The following FAM83G variants were observed in gnomAD, a reference collection of about 807,000 sequenced individuals.
FAM83G encodes the protein protein FAM83G.
A neutral mutation model predicts 61.5 loss-of-function variants in FAM83G; 38 were observed. That is an observed-to-expected ratio of 0.62 (90% CI 0.48 to 0.81). FAM83G has a LOEUF of 0.81. Among genes scored for constraint, FAM83G ranks in the 30% least tolerant of loss-of-function variants. The pLI is 0.00. For synonymous variants in FAM83G, 470 were observed against 476.1 expected (o/e 0.99, Z 0.17); for missense variants, 989 against 1,133.6 (o/e 0.87, Z 1.83).
At position 18,971,246 on chromosome 17, in the gene FAM83G, C is replaced by T. The variant is rs1383386169; in HGVS notation, c.*113G>A. On this transcript the variant is annotated 3_prime_UTR_variant, in exon 6 of 6. Transcript: ENST00000388995. The surrounding 1 kb of genome is among the most constrained non-coding windows in gnomAD (Gnocchi z 5.5). ...GAGTGCCAACGTCTCCCGCCCATCCCACCTTCCTGCCGTCCCAGTGGGCTC... is the reference window on the plus strand; with the variant it reads ...GAGTGCCAACGTCTCCCGCCCATCCTACCTTCCTGCCGTCCCAGTGGGCTC... 6.2e-7 allele frequency: 1 copy of T among 1,612,570 alleles called. No homozygotes were observed. Among genetic ancestry groups the T allele is most frequent in the African/African-American group, 1.3e-5 (1 of 74,936 alleles).
intron 2 of FAM83G, among the ~76,000 whole-genome samples, chr17:18,997,694 T>C (rs969972136): frequency 1.4e-4 from 21 of 152,298 alleles, no homozygotes; most frequent in African/African-American, 4.6e-4. Flanking sequence ...ACATGCTCTC[T>C]GCTGCGTTCC....
intron 3 of FAM83G, among the ~76,000 whole-genome samples, chr17:18,984,629 A>G (rs1477498749): frequency 6.6e-6 from 1 of 152,210 alleles, no homozygotes; most frequent in Non-Finnish European, 1.5e-5. Flanking sequence ...TGGCTGCACG[A>G]AGTCAACTGG....
chr17:18,971,573 C>CGG lies in FAM83G; in HGVS notation c.2256_2257dup (p.Arg753ProfsTer19). 6.2e-7 allele frequency: 1 copy of CGG among 1,613,598 alleles called. No individual in the cohort carries two copies. Among genetic ancestry groups the CGG allele is most frequent in the Admixed American group, 1.7e-5 (1 of 60,024 alleles). ...TGGGCTGCCGGGATCCGGAAGCAGGCGGGGTACCTGACCTCCCTTGGCCTG... is the reference window on the plus strand; with the variant it reads ...TGGGCTGCCGGGATCCGGAAGCAGGCGGGGGGTACCTGACCTCCCTTGGCCTG... On this transcript the variant is annotated frameshift_variant, in exon 6 of 6. Coordinates refer to ENST00000388995, the MANE Select transcript of FAM83G (RefSeq NM_001039999.3). LOFTEE classifies it high-confidence loss of function. The surrounding 1 kb of genome is among the most constrained non-coding windows in gnomAD (Gnocchi z 5.5).
Position 18,979,570 on chromosome 17 carries a change from C to A in FAM83G, c.794G>T (p.Arg265Leu). ...TCACCTGTAGGAGCCGCACACAGCC[C>A]GGTCTCCATCCACAAACATGAACTT... ...AQKFMFVDGDRAVCGSYSFTW... is the reference protein window; with the variant it reads ...AQKFMFVDGDLAVCGSYSFTW... The change falls in exon 4 of 6, where the codon CGG (arginine) becomes CTG (leucine). Residue 265 changes from arginine (R) to leucine (L), a missense_variant. This residue lies in a region of FAM83G where 371 missense variants were observed against 404.5 expected (regional missense o/e 0.92). Coordinates refer to ENST00000388995, the MANE Select transcript of FAM83G (RefSeq NM_001039999.3). 3 of 1,613,446 alleles carry A rather than the reference C, an allele frequency of 1.9e-6. No homozygotes were observed. The East Asian group carries it at 6.7e-5, about 36-fold the overall frequency.
intron 5 of FAM83G, among the ~76,000 whole-genome samples, chr17:18,974,082 G>A (rs868288234): frequency 7.2e-5 from 11 of 152,086 alleles, no homozygotes; most frequent in African/African-American, 2.7e-4. Context: ...TAATAGAGAC[G>A]GGGTTTCACC....
In FAM83G at chr17:18,971,371, G is replaced by A. The variant is rs1343098677; in HGVS notation, c.2460C>T (p.Arg820=). Residue 820 remains arginine (R), a synonymous_variant, in exon 6 of 6, where the codon CGC becomes CGT. Transcript: ENST00000388995. This position sits in a 1 kb window ranked among gnomAD's most constrained non-coding sequence, Gnocchi z 5.5. ...SKRRAQAPRD[R]KDP ...CTGGGACATGCTGCTAGGGGTCTTTGCGGTCCCGGGGGGCTTGAGCCCTCC... is the reference window on the plus strand; with the variant it reads ...CTGGGACATGCTGCTAGGGGTCTTTACGGTCCCGGGGGGCTTGAGCCCTCC... 1 of 1,554,530 alleles carries A rather than the reference G, an allele frequency of 6.4e-7. No homozygotes were observed. The highest frequency in any genetic ancestry group is 8.6e-7 in the Non-Finnish European group (1 of 1,156,950).
chr17:18,975,435 A>G (rs2042952412), intron 5 of FAM83G, among the ~76,000 whole-genome samples: 1 of 152,208 alleles, frequency 6.6e-6, no homozygotes, highest in African/African-American at 2.4e-5. Context: ...CACACCTGTA[A>G]TCCCAGCACT....
chr17:18,981,703 A>G (rs894968205), intron 3 of FAM83G, among the ~76,000 whole-genome samples: 3 of 152,148 alleles, frequency 2.0e-5, no homozygotes, highest in South Asian at 2.1e-4. Flanking sequence ...GGGATAAACC[A>G]TAGCCTTTTC....
At chr17:18,984,558 T>G (rs958706768) in intron 3 of FAM83G, among the ~76,000 whole-genome samples, 2 of 152,238 alleles carry the variant, frequency 1.3e-5, no homozygotes, top group African/African-American at 4.8e-5. Context: ...GATGCTTCTT[T>G]GTTCATCAGA....
intron 2 of FAM83G, among the ~76,000 whole-genome samples, chr17:18,997,188 C>T (rs986926673): frequency 1.3e-5 from 2 of 152,272 alleles, no homozygotes; most frequent in Non-Finnish European, 2.9e-5. Flanking sequence ...CCAGAGCGCT[C>T]TGACCAGGAG....
intron 5 of FAM83G, 64 bp downstream of exon 5, chr17:18,977,520 C>T (rs1309155744): frequency 1.9e-5 from 28 of 1,490,356 alleles, no homozygotes; most frequent in African/African-American, 1.8e-4. Flanking sequence ...GACAACAGCT[C>T]GAGCTCTTGG....
At chr17:18,972,372 C>A (rs992592794) in intron 5 of FAM83G, among the ~76,000 whole-genome samples, 1 of 152,198 alleles carries the variant, frequency 6.6e-6, no homozygotes, top group African/African-American at 2.4e-5. Context: ...CTCACACAAG[C>A]CTTTCCCACG....
chr17:18,979,122 G>C (rs759417677), intron 4 of FAM83G: 15 of 551,224 alleles, frequency 2.7e-5, no homozygotes, highest in Non-Finnish European at 4.2e-5. Context: ...GCTCAGGAAG[G>C]CCCTGGACAC....
At chr17:18,972,645 G>A (rs1201675200) in intron 5 of FAM83G, among the ~76,000 whole-genome samples, 2 of 152,128 alleles carry the variant, frequency 1.3e-5, no homozygotes, top group Admixed American at 6.5e-5. Context: ...GGCGGATCAC[G>A]AGGTCAGGAG....
chr17:18,992,098 C>T (rs112101193), intron 2 of FAM83G, among the ~76,000 whole-genome samples: 457 of 152,282 alleles, frequency 3.0e-3, no homozygotes, highest in Non-Finnish European at 4.3e-3. Flanking sequence ...GGTGCCCAAA[C>T]ACCTCCGGCA....
chr17:18,971,839 G>A lies in FAM83G; in HGVS notation c.2083-91C>T, dbSNP rs1567785949. On this transcript the variant is annotated intron_variant, in intron 5 of 5. Transcript: ENST00000388995. The surrounding 1 kb of genome is among the most constrained non-coding windows in gnomAD (Gnocchi z 5.5). The stretch of plus-strand genomic sequence containing the variant: ...CTGCTCAGGCACACAGGAGCCGGCA[G>A]GCCCGGGTTCGCCTCCTGGCTCTGC... The A allele has an allele frequency of 1.4e-6, 2 of 1,438,168 alleles. No individual in the cohort carries two copies. Among genetic ancestry groups the A allele is most frequent in the Non-Finnish European group, 9.3e-7 (1 of 1,079,308 alleles). 89.1% of individuals were successfully genotyped at this position (1,438,168 alleles called of 1,614,324 possible).
rs771103367 is a variant in FAM83G at position 18,977,772 on chromosome 17, G to T, written c.1894C>A (p.Arg632Ser). ...CCGTTGGCCACTTGCTCTGAGTGGCGCCTCCGGAGAGGGACTGAGTGCTCT... is the reference window on the plus strand; with the variant it reads ...CCGTTGGCCACTTGCTCTGAGTGGCTCCTCCGGAGAGGGACTGAGTGCTCT... ...VREHSVPLRR[R>S]HSEQVANGPT... Residue 632 changes from arginine (R) to serine (S), a missense_variant, in exon 5 of 6, where the codon CGC becomes AGC. Physicochemically the swap from Arg to Ser is moderately radical, Grantham distance 110. This residue lies in a region of FAM83G where 574 missense variants were observed against 645.1 expected (regional missense o/e 0.89). Coordinates refer to ENST00000388995, the MANE Select transcript of FAM83G (RefSeq NM_001039999.3). 9 of 1,602,834 alleles carry T rather than the reference G, an allele frequency of 5.6e-6. No homozygotes were observed. Among genetic ancestry groups the T allele is most frequent in the Non-Finnish European group, 7.7e-6 (9 of 1,174,532 alleles).
chr17:18,977,815 C>T lies in FAM83G; in HGVS notation c.1851G>A (p.Glu617=). ...AGTGCTCTCTCACCTCGAAGTACTC[C>T]TCTGACACAGAGGAAGCCACTGAGG... ...RRPSVASSVS[E]EYFEVREHSV... The change falls in exon 5 of 6, where the codon GAG becomes GAA. Residue 617 remains glutamate (E), a synonymous_variant. Transcript: ENST00000388995. 2 of 1,607,990 alleles carry T rather than the reference C, an allele frequency of 1.2e-6. No individual in the cohort carries two copies. Among genetic ancestry groups the T allele is most frequent in the Non-Finnish European group, 1.7e-6 (2 of 1,177,430 alleles).
intron 2 of FAM83G, among the ~76,000 whole-genome samples, chr17:18,990,172 C>G (rs2043378166): frequency 6.6e-6 from 1 of 152,138 alleles, no homozygotes; most frequent in Non-Finnish European, 1.5e-5. Flanking sequence ...CAGGGCTGCC[C>G]AAGGTTAAAC....
Sources: gnomAD v4.1 joint callset for allele counts (sites outside exome capture counted in the v4.1 genomes callset) on GRCh38, gnomAD v4.1.1 for gene constraint, gnomAD v4.1.1 regional missense constraint, Gnocchi (gnomAD v3.1) non-coding constraint, MANE v1.5 for transcripts, NCBI Gene and HGNC (gene_info 2026-07-23, HGNC 2026-07-21) for gene names.